The following ERI1 variants were observed in gnomAD, a reference collection of about 807,000 sequenced individuals.
The protein encoded by ERI1 is exoribonuclease 1, also known as 3'-5' exoribonuclease 1.
Under a neutral mutation model 39.7 loss-of-function variants are expected in ERI1, and 39 were observed. The ratio of observed to expected loss-of-function variants is 0.98; its 90% CI spans 0.76 to 1.28. The LOEUF is 1.28. ERI1 is among the 50% of genes most tolerant of loss of function. The pLI, the probability that ERI1 is intolerant of heterozygous loss-of-function variation, is 0.00. For synonymous variants in ERI1, 204 were observed against 149.6 expected (o/e 1.36, Z -2.65); for missense variants, 581 against 416.9 (o/e 1.39, Z -3.43).
intron 3 of ERI1, among the ~76,000 whole-genome samples, chr8:9,075,528 G>A (rs1036071288): frequency 3.4e-5 from 5 of 149,196 alleles, no homozygotes; most frequent in Non-Finnish European, 3.0e-5. Context: ...TTATGAACAC[G>A]GTCTTTACAT....
At chr8:9,003,275 G>A (rs1427738630) in intron 1 of ERI1, 104 bp downstream of exon 1, 1 of 672,190 alleles carries the variant, frequency 1.5e-6, no homozygotes, top group African/African-American at 1.9e-5. Flanking sequence ...GTGCAGCTGT[G>A]CGCCCTTGGA....
At chr8:9,078,532 T>C (rs547542882) in intron 3 of ERI1, among the ~76,000 whole-genome samples, 1 of 152,242 alleles carries the variant, frequency 6.6e-6, no homozygotes, top group East Asian at 1.9e-4. Context: ...CCTCACACTG[T>C]TGTGAGGGTG....
chr8:9,064,447 G>C (rs954990849), intron 3 of ERI1, among the ~76,000 whole-genome samples: 2 of 152,162 alleles, frequency 1.3e-5, no homozygotes, highest in East Asian at 1.9e-4. Context: ...CCAAGGGAAG[G>C]CTGCCTTCCC....
rs542523689 is a variant in ERI1, at chr8:9,057,964, G to A, written n.299+37500G>A. 3.3e-5 allele frequency among the ~76,000 whole-genome samples: 5 copies of A among 152,282 alleles called. No individual in the cohort carries two copies. The East Asian group carries it at 9.7e-4, about 29-fold the overall frequency. On this transcript the variant is annotated intron_variant and non_coding_transcript_variant, in intron 3 of 3. Transcript: ENST00000518663. ...ACTTGATGTCAGAGAAGTCCAGGGGGTGGATCTCATAGGGTCTTGGGGGCC... is the reference window on the plus strand; with the variant it reads ...ACTTGATGTCAGAGAAGTCCAGGGGATGGATCTCATAGGGTCTTGGGGGCC...
At chr8:9,041,747 C>T (rs1004329567) in intron 3 of ERI1, among the ~76,000 whole-genome samples, 1 of 152,158 alleles carries the variant, frequency 6.6e-6, no homozygotes, top group Non-Finnish European at 1.5e-5. Flanking sequence ...AGATTTCTTT[C>T]TTTTTAGACA....
At chr8:9,021,731 C>T (rs535872996) in intron 6 of ERI1, among the ~76,000 whole-genome samples, 5 of 144,692 alleles carry the variant, frequency 3.5e-5, no homozygotes, top group South Asian at 2.2e-4. Context: ...GCTTTGAGCA[C>T]GATATAATTA....
chr8:9,025,883 C>T (rs1406015397), intron 6 of ERI1, among the ~76,000 whole-genome samples: 1 of 152,014 alleles, frequency 6.6e-6, no homozygotes, highest in Non-Finnish European at 1.5e-5. Context: ...ATATGAAATT[C>T]ATTTTTGTTT....
chr8:9,034,592 G>A (rs141224202), downstream of ERI1, among the ~76,000 whole-genome samples: 4 of 152,074 alleles, frequency 2.6e-5, no homozygotes, highest in East Asian at 1.9e-4. Flanking sequence ...ATAAGACAAC[G>A]AACTTAATTG....
At chr8:9,006,292 C>G (rs560134311) in intron 1 of ERI1, among the ~76,000 whole-genome samples, 1 of 152,296 alleles carries the variant, frequency 6.6e-6, no homozygotes, top group East Asian at 1.9e-4. Context: ...AGAACTAGAG[C>G]TGGACCTAGG....
intron 3 of ERI1, among the ~76,000 whole-genome samples, chr8:9,049,012 A>C (rs1334774100): frequency 2.6e-5 from 4 of 152,026 alleles, no homozygotes; most frequent in African/African-American, 9.7e-5. Context: ...ATGTAAATGC[A>C]GCCGTCCACA....
At chr8:9,029,416 C>A (rs961245613) in intron 6 of ERI1, among the ~76,000 whole-genome samples, 3 of 152,138 alleles carry the variant, frequency 2.0e-5, no homozygotes, top group African/African-American at 7.2e-5. Context: ...GCAGCCTCCA[C>A]CTCCCAGGTT....
chr8:9,023,098 G>A (rs1222252899), intron 6 of ERI1, among the ~76,000 whole-genome samples: 1 of 151,946 alleles, frequency 6.6e-6, no homozygotes, highest in Non-Finnish European at 1.5e-5. Flanking sequence ...ATTTGTAGTT[G>A]GTTAATATGT....
rs983409992 is a variant in ERI1, at chr8:9,031,872, C to G, written c.*1838C>G. 3 of 152,250 alleles carry G rather than the reference C, an allele frequency of 2.0e-5. No homozygotes were observed. Among genetic ancestry groups the G allele is most frequent in the African/African-American group, 7.2e-5 (3 of 41,440 alleles). The allele number at this position is 152,250 out of a possible 1,614,324, so 9.4% of individuals were successfully genotyped here. Reference sequence around the variant, plus strand: ...TCCTGGGCTCAGGTGATCCTCTTGCCTCAGCCTCCTGAGTAGCTCAGATTA... The same window carrying G: ...TCCTGGGCTCAGGTGATCCTCTTGCGTCAGCCTCCTGAGTAGCTCAGATTA... On this transcript the variant is annotated 3_prime_UTR_variant, in exon 7 of 7. Transcript: ENST00000250263.
chr8:9,004,614 T>C (rs1440383035), intron 1 of ERI1, among the ~76,000 whole-genome samples: 1 of 150,982 alleles, frequency 6.6e-6, no homozygotes, highest in East Asian at 2.0e-4. Context: ...CAGTGAGCTG[T>C]GATCGTGCCA....
Position 9,006,488 on chromosome 8 carries a change from A to T in ERI1, c.109-1482A>T, listed in dbSNP as rs149724250. Among the ~76,000 whole-genome samples the T allele has an allele frequency of 2.2e-3, 337 of 152,348 alleles. 2 individuals are homozygous for T. The highest frequency in any genetic ancestry group is 7.7e-3 in the African/African-American group (319 of 41,578). On this transcript the variant is annotated intron_variant, in intron 1 of 6. Transcript: ENST00000250263. ...ACTGAGACATCTGTTTTGGTAGACA[A>T]ACTGTTACTTAATGTTGACCTAAAT...
chr8:9,019,038 A>G (rs1817608870), intron 5 of ERI1, among the ~76,000 whole-genome samples: 1 of 152,212 alleles, frequency 6.6e-6, no homozygotes, highest in Non-Finnish European at 1.5e-5. Context: ...TTTGCAAGGA[A>G]ATCTAAAATT....
chr8:9,019,904 A>G (rs1212320720), intron 5 of ERI1, among the ~76,000 whole-genome samples: 1 of 152,178 alleles, frequency 6.6e-6, no homozygotes, highest in Non-Finnish European at 1.5e-5. Context: ...ACTACAATAA[A>G]TTGGTTAGTG....
intron 2 of ERI1, among the ~76,000 whole-genome samples, chr8:9,010,300 C>G (rs1816525679): frequency 6.6e-6 from 1 of 152,140 alleles, no homozygotes; most frequent in Non-Finnish European, 1.5e-5. Context: ...ACACCTCCCA[C>G]CCCACAACAA....
intron 3 of ERI1, among the ~76,000 whole-genome samples, chr8:9,060,831 G>GC (rs1222463538): frequency 6.6e-6 from 1 of 152,190 alleles, no homozygotes; most frequent in East Asian, 1.9e-4. Flanking sequence ...GGGATCTGAT[G>GC]CGTTTTGATG....
Sources: allele counts gnomAD v4.1 joint callset (sites outside exome capture counted in the v4.1 genomes callset), GRCh38; gene constraint gnomAD v4.1.1; transcripts MANE v1.5; gene names NCBI Gene and HGNC (gene_info 2026-07-23, HGNC 2026-07-21).